Variants in GRM8 observed in about 807,000 individuals in gnomAD.
The protein encoded by GRM8 is metabotropic glutamate receptor 8.
A neutral mutation model predicts 87.2 loss-of-function variants in GRM8; 47 were observed. That is an observed-to-expected ratio of 0.54 (90% CI 0.43 to 0.69). GRM8 has a LOEUF of 0.69. Among genes scored for constraint, GRM8 ranks in the 30% least tolerant of loss-of-function variants. The pLI is 0.00. For synonymous variants in GRM8, 396 were observed against 404.5 expected (o/e 0.98, Z 0.25); for missense variants, 1,019 against 1,139.2 (o/e 0.89, Z 1.52).
intron 3 of GRM8, among the ~76,000 whole-genome samples, chr7:126,977,618 G>A (rs1257928147): frequency 6.6e-6 from 1 of 152,192 alleles, no homozygotes; most frequent in Admixed American, 6.5e-5. Context: ...TAGATAAAAT[G>A]GATTACAGGA....
intron 2 of GRM8, among the ~76,000 whole-genome samples, chr7:127,180,420 C>G (rs1396025416): frequency 6.6e-6 from 1 of 151,950 alleles, no homozygotes; most frequent in Non-Finnish European, 1.5e-5. Flanking sequence ...ACCAGACATC[C>G]AAAAAAGAAT....
intron 2 of GRM8, among the ~76,000 whole-genome samples, chr7:127,157,091 A>G (rs1447122270): frequency 6.6e-6 from 1 of 152,050 alleles, no homozygotes; most frequent in Non-Finnish European, 1.5e-5. Flanking sequence ...GAAAATTTCT[A>G]TGAATTAAAG....
At chr7:126,469,698 G>A (rs1804928622) in intron 9 of GRM8, among the ~76,000 whole-genome samples, 1 of 152,112 alleles carries the variant, frequency 6.6e-6, no homozygotes. Context: ...AGTTTCCCGA[G>A]GCCCTCCCAG....
At chr7:126,648,406 C>A (rs1803418554) in intron 7 of GRM8, among the ~76,000 whole-genome samples, 1 of 152,056 alleles carries the variant, frequency 6.6e-6, no homozygotes, top group South Asian at 2.1e-4. Context: ...GTATTTTATG[C>A]CTAATGTAGT....
intron 3 of GRM8, among the ~76,000 whole-genome samples, chr7:127,063,858 T>G (rs1023576080): frequency 6.6e-6 from 1 of 152,222 alleles, no homozygotes; most frequent in Non-Finnish European, 1.5e-5. Context: ...ACTTCTTAAT[T>G]TCTGCCTTAA....
rs570585364 is a variant in GRM8 at position 127,090,148 on chromosome 7, T to C, written c.727+16348A>G. Among the ~76,000 whole-genome samples the C allele has an allele frequency of 3.1e-4, 47 of 152,314 alleles. 1 individual carries two copies. The Middle Eastern group carries it at 0.01, about 33-fold the overall frequency. On this transcript the variant is annotated intron_variant, in intron 3 of 10. Coordinates refer to ENST00000339582, the MANE Select transcript of GRM8 (RefSeq NM_000845.3). ...CCAGCTCTTGCCTGGAGACACACAA[T>C]AGATTTCTAACTAATCTTCTGCTTC...
chr7:126,496,901 G>A (rs1168886740), intron 9 of GRM8, among the ~76,000 whole-genome samples: 1 of 151,068 alleles, frequency 6.6e-6, no homozygotes, highest in African/African-American at 2.4e-5. Context: ...CAGCATACAT[G>A]CACTGTATAC....
chr7:126,668,101 C>T (rs1365573304), intron 7 of GRM8, among the ~76,000 whole-genome samples: 1 of 152,018 alleles, frequency 6.6e-6, no homozygotes, highest in Non-Finnish European at 1.5e-5. Context: ...GAGCCGGGCT[C>T]CTCCTCTTCC....
At chr7:126,672,358 A>G (rs896947171) in intron 7 of GRM8, among the ~76,000 whole-genome samples, 3 of 152,172 alleles carry the variant, frequency 2.0e-5, no homozygotes, top group African/African-American at 7.2e-5. Flanking sequence ...TCTGCTAGGA[A>G]AAGAAAGGAA....
intron 8 of GRM8, among the ~76,000 whole-genome samples, chr7:126,606,076 C>T (rs766943935): frequency 1.3e-5 from 2 of 152,182 alleles, no homozygotes; most frequent in Admixed American, 6.5e-5. Flanking sequence ...CATGGTAGCA[C>T]AGGAAAATAA....
chr7:126,609,380 G>A lies in GRM8; in HGVS notation c.1476C>T (p.Thr492=), dbSNP rs1484845285. 1 of 1,613,224 alleles carries A rather than the reference G, an allele frequency of 6.2e-7. No homozygotes were observed. The highest frequency in any genetic ancestry group is 1.1e-5 in the South Asian group (1 of 90,986). ...TACTTGCTTTTAGATGAAGCTGATT[G>A]GTCCAGTGGCCGATGACTTTGTACT... The part of the protein sequence containing the change: ...STEYKVIGHW[T]NQLHLKVEDM... The change falls in exon 8 of 11, where the codon ACC becomes ACT. Residue 492 remains threonine, a synonymous_variant. Transcript: ENST00000339582.
At chr7:126,684,836 GAA>G (rs905159454) in intron 7 of GRM8, among the ~76,000 whole-genome samples, 11 of 152,336 alleles carry the variant, frequency 7.2e-5, no homozygotes, top group Admixed American at 5.9e-4. Flanking sequence ...GTTGAAGTCT[GAA>G]AATATGGACT....
At chr7:127,001,447 A>T (rs910904223) in intron 3 of GRM8, among the ~76,000 whole-genome samples, 7 of 151,706 alleles carry the variant, frequency 4.6e-5, no homozygotes, top group Non-Finnish European at 1.0e-4. Context: ...AAACTCATTT[A>T]AAAAACTGTC....
intron 9 of GRM8, among the ~76,000 whole-genome samples, chr7:126,498,731 T>C (rs1489617180): frequency 1.3e-5 from 2 of 152,018 alleles, no homozygotes; most frequent in Non-Finnish European, 2.9e-5. Context: ...TACCAATATA[T>C]TCAAGCTTCA....
intron 10 of GRM8, among the ~76,000 whole-genome samples, chr7:126,444,903 T>G (rs546812832): frequency 9.9e-4 from 150 of 151,972 alleles, no homozygotes; most frequent in Non-Finnish European, 1.8e-3. Flanking sequence ...CCTAGCACTT[T>G]TGGAGGCTTA....
chr7:126,906,181 A>T (rs1174697758), intron 3 of GRM8, among the ~76,000 whole-genome samples: 1 of 152,196 alleles, frequency 6.6e-6, no homozygotes, highest in Non-Finnish European at 1.5e-5. Context: ...GTGAGGACAC[A>T]GCAAAAAGAC....
chr7:126,896,999 A>G (rs1366030071), intron 6 of GRM8, among the ~76,000 whole-genome samples: 1 of 152,224 alleles, frequency 6.6e-6, no homozygotes, highest in East Asian at 1.9e-4. Context: ...GGTGAGCTTC[A>G]AAATGTATAA....
At chr7:127,112,468 A>G (rs1826430662) in intron 2 of GRM8, 1 of 152,202 alleles carries the variant, frequency 6.6e-6, no homozygotes, top group African/African-American at 2.4e-5. Flanking sequence ...ATGAGCTCCC[A>G]TGAGATAGTA....
chr7:126,510,519 T>G (rs981767837), intron 9 of GRM8, among the ~76,000 whole-genome samples: 3 of 152,112 alleles, frequency 2.0e-5, no homozygotes, highest in Middle Eastern at 3.4e-3. Context: ...AACCAGAATA[T>G]CTGAAGGACT....
Sources: allele counts gnomAD v4.1 joint callset (sites outside exome capture counted in the v4.1 genomes callset), GRCh38; gene constraint gnomAD v4.1.1; transcripts MANE v1.5; gene names NCBI Gene and HGNC (gene_info 2026-07-23, HGNC 2026-07-21).